Variants in FSTL5 observed in about 807,000 individuals in gnomAD.
FSTL5 encodes the protein follistatin-related protein 5.
Under a neutral mutation model 89.1 loss-of-function variants are expected in FSTL5, and 62 were observed. The ratio of observed to expected loss-of-function variants is 0.70; its 90% CI spans 0.57 to 0.86. The LOEUF (loss-of-function observed/expected upper bound fraction) is 0.86, where lower values mean the gene tolerates loss of function less well. Among genes scored for constraint, FSTL5 ranks in the 40% least tolerant of loss-of-function variants. The pLI is 0.00. For synonymous variants in FSTL5, 383 were observed against 346.2 expected (o/e 1.11, Z -1.18); for missense variants, 1,057 against 1,001.6 (o/e 1.06, Z -0.75).
intron 1 of FSTL5, among the ~76,000 whole-genome samples, chr4:162,133,009 C>A (rs781048862): frequency 6.6e-6 from 1 of 152,148 alleles, no homozygotes; most frequent in Non-Finnish European, 1.5e-5. Flanking sequence ...GTGGCGCAAT[C>A]TCGGCTCACT....
At chr4:161,495,566 T>C (rs1379721313) in intron 12 of FSTL5, 2 of 152,162 alleles carry the variant, frequency 1.3e-5, no homozygotes, top group Non-Finnish European at 2.9e-5. Context: ...AAGTTTGTTG[T>C]ATATATCCTC....
intron 3 of FSTL5, among the ~76,000 whole-genome samples, chr4:161,999,347 A>G (rs1326517298): frequency 2.0e-5 from 3 of 152,176 alleles, no homozygotes; most frequent in African/African-American, 7.2e-5. Flanking sequence ...ATATCCTGAA[A>G]TTAAAGTTAA....
chr4:162,094,309 C>G (rs1210908885), intron 2 of FSTL5, among the ~76,000 whole-genome samples: 1 of 152,146 alleles, frequency 6.6e-6, no homozygotes, highest in Non-Finnish European at 1.5e-5. Context: ...ATCGCTTGAA[C>G]CTGGGAGGCA....
At chr4:161,957,306 A>G (rs562795603) in intron 3 of FSTL5, among the ~76,000 whole-genome samples, 6 of 152,216 alleles carry the variant, frequency 3.9e-5, no homozygotes, top group African/African-American at 1.4e-4. Flanking sequence ...AATGTAAATT[A>G]AATATTAGAC....
At chr4:161,644,354 C>CT (rs1736070141) in intron 7 of FSTL5, among the ~76,000 whole-genome samples, 1 of 152,024 alleles carries the variant, frequency 6.6e-6, no homozygotes, top group South Asian at 2.1e-4. Context: ...TGGTGAAACT[C>CT]TATCTCTACT....
intron 7 of FSTL5, among the ~76,000 whole-genome samples, chr4:161,632,815 T>C (rs1175976943): frequency 1.3e-5 from 2 of 152,168 alleles, no homozygotes; most frequent in East Asian, 3.9e-4. Context: ...ATAAAATAGG[T>C]TAAACTCTTA....
chr4:162,075,146 C>T (rs745693143), intron 2 of FSTL5, among the ~76,000 whole-genome samples: 11 of 151,702 alleles, frequency 7.3e-5, no homozygotes, highest in Non-Finnish European at 1.6e-4. Context: ...CATGAAGACT[C>T]GAAGCCAAAG....
At chr4:161,759,273 C>A in intron 6 of FSTL5, 138 bp downstream of exon 6, 1 of 740,662 alleles carries the variant, frequency 1.4e-6, no homozygotes, top group Middle Eastern at 3.9e-4. Context: ...TTCAATACAA[C>A]TTGAAACTTA....
intron 6 of FSTL5, among the ~76,000 whole-genome samples, chr4:161,740,524 C>A (rs762856208): frequency 5.4e-4 from 82 of 151,916 alleles, no homozygotes; most frequent in Admixed American, 1.6e-3. Context: ...GAACTAAACC[C>A]TTCAAAGAAA....
chr4:162,163,472 A>ATTATT (rs371663207), intron 1 of FSTL5, 143 bp downstream of exon 1: 2 of 146,476 alleles, frequency 1.4e-5, no homozygotes, highest in African/African-American at 2.5e-5. Context: ...TAATAATAGT[A>ATTATT]ATTATTAAAA....
chr4:161,655,515 ATAGG>A (rs1736484836), intron 7 of FSTL5, among the ~76,000 whole-genome samples: 1 of 152,160 alleles, frequency 6.6e-6, no homozygotes, highest in Non-Finnish European at 1.5e-5. Context: ...AATGTGTTTC[ATAGG>A]TATTAGAACA....
chr4:161,823,923 G>A (rs908603094), intron 4 of FSTL5, among the ~76,000 whole-genome samples: 1 of 152,168 alleles, frequency 6.6e-6, no homozygotes, highest in Non-Finnish European at 1.5e-5. Flanking sequence ...TCCTTTGTCA[G>A]ATATATAGAT....
chr4:162,041,588 C>T (rs886116330), intron 2 of FSTL5, among the ~76,000 whole-genome samples: 5 of 152,042 alleles, frequency 3.3e-5, no homozygotes, highest in East Asian at 3.9e-4. Context: ...CATTCCAATG[C>T]TAAAATTGTA....
At chr4:161,676,297 T>A (rs959167126) in intron 6 of FSTL5, among the ~76,000 whole-genome samples, 1 of 152,078 alleles carries the variant, frequency 6.6e-6, no homozygotes, top group East Asian at 1.9e-4. Context: ...ATGTGGCACA[T>A]ATACACCACG....
At chr4:161,759,749 C>A (rs894974189) in intron 5 of FSTL5, among the ~76,000 whole-genome samples, 1 of 152,150 alleles carries the variant, frequency 6.6e-6, no homozygotes, top group South Asian at 2.1e-4. Flanking sequence ...ATTACAATTT[C>A]GTTCAAACGT....
At chr4:161,679,745 T>A (rs1737452494) in intron 6 of FSTL5, among the ~76,000 whole-genome samples, 1 of 151,854 alleles carries the variant, frequency 6.6e-6, no homozygotes, top group Admixed American at 6.6e-5. Flanking sequence ...GCCAATATGA[T>A]CTCTTTCTTC....
intron 7 of FSTL5, among the ~76,000 whole-genome samples, chr4:161,640,784 A>C (rs902778630): frequency 6.6e-6 from 1 of 152,212 alleles, no homozygotes; most frequent in Non-Finnish European, 1.5e-5. Context: ...AATAAAAGAC[A>C]TGAATCTTAA....
At chr4:161,437,382 C>T (rs915902341) in intron 15 of FSTL5, among the ~76,000 whole-genome samples, 3 of 151,702 alleles carry the variant, frequency 2.0e-5, no homozygotes, top group Middle Eastern at 3.2e-3. Flanking sequence ...CTGGCTAACA[C>T]GGTGAAACCC....
intron 8 of FSTL5, among the ~76,000 whole-genome samples, chr4:161,570,670 C>T (rs999164246): frequency 2.6e-5 from 4 of 152,128 alleles, no homozygotes; most frequent in African/African-American, 9.7e-5. Flanking sequence ...CAAGTGTTTA[C>T]AAACATCGTA....
Sources: allele counts gnomAD v4.1 joint callset (sites outside exome capture counted in the v4.1 genomes callset), GRCh38; gene constraint gnomAD v4.1.1; transcripts MANE v1.5; gene names NCBI Gene and HGNC (gene_info 2026-07-23, HGNC 2026-07-21).